Variants in CAMK1D observed in about 807,000 individuals in gnomAD.
The protein encoded by CAMK1D is calcium/calmodulin dependent protein kinase ID, also known as calcium/calmodulin-dependent protein kinase type 1D.
CAMK1D carries 9 observed loss-of-function variants against 47.7 expected under a neutral mutation model. The ratio of observed to expected loss-of-function variants is 0.19; its 90% confidence interval spans 0.11 to 0.33. CAMK1D has a LOEUF of 0.33. Ranked by LOEUF, CAMK1D falls within the 10% of genes least tolerant of loss-of-function variation. The probability of loss-of-function intolerance (pLI) is 1.00; values close to 1 mark genes in which losing one functional copy is unlikely to be tolerated. For synonymous variants in CAMK1D, 184 were observed against 184.9 expected (o/e 0.99, Z 0.04); for missense variants, 291 against 488.7 (o/e 0.60, Z 3.81).
chr10:12,772,183 AGTGT>A (rs1837072022), intron 5 of CAMK1D, among the ~76,000 whole-genome samples: 2 of 152,126 alleles, frequency 1.3e-5, no homozygotes, highest in African/African-American at 4.8e-5. Context: ...GGGAGGAAAG[AGTGT>A]GTGTGGTATA....
intron 3 of CAMK1D, among the ~76,000 whole-genome samples, chr10:12,742,471 C>T (rs537714116): frequency 1.1e-4 from 17 of 152,300 alleles, no homozygotes; most frequent in South Asian, 4.1e-4. Flanking sequence ...TCACTCATTT[C>T]GAATGTACAA....
chr10:12,744,186 T>G (rs1835559642), intron 3 of CAMK1D, among the ~76,000 whole-genome samples: 1 of 152,238 alleles, frequency 6.6e-6, no homozygotes, highest in Admixed American at 6.5e-5. Flanking sequence ...GGCTAAAATA[T>G]TCCGTATATG....
chr10:12,407,717 C>T (rs935267414), intron 1 of CAMK1D, among the ~76,000 whole-genome samples: 1 of 152,168 alleles, frequency 6.6e-6, no homozygotes, highest in African/African-American at 2.4e-5. Context: ...CCAAGTTGAC[C>T]AGCATCATCC....
chr10:12,530,636 C>T (rs1835774248), intron 1 of CAMK1D, among the ~76,000 whole-genome samples: 1 of 152,154 alleles, frequency 6.6e-6, no homozygotes, highest in African/African-American at 2.4e-5. Context: ...GAAGGTCTTC[C>T]CGTGGCCTCG....
intron 3 of CAMK1D, among the ~76,000 whole-genome samples, chr10:12,682,833 T>TGTTGTGTTGA (rs374542135): frequency 0.3 from 45,223 of 152,040 alleles, 7,411 homozygotes; most frequent in South Asian, 0.51. Flanking sequence ...ATTTACTTAG[T>TGTTGTGTTGA]CAACACAAAG....
chr10:12,788,210 G>C (rs1474012518), intron 5 of CAMK1D, among the ~76,000 whole-genome samples: 3 of 47,748 alleles, frequency 6.3e-5, no homozygotes, highest in Non-Finnish European at 1.9e-4. Flanking sequence ...TTATTTTAGA[G>C]ATGGGGCCTC....
chr10:12,442,585 A>G (rs1296634137), intron 1 of CAMK1D, among the ~76,000 whole-genome samples: 1 of 152,240 alleles, frequency 6.6e-6, no homozygotes, highest in Non-Finnish European at 1.5e-5. Context: ...AAGCCCTTCT[A>G]TACATAGACA....
chr10:12,485,922 C>T (rs574042889), intron 1 of CAMK1D, among the ~76,000 whole-genome samples: 2 of 152,258 alleles, frequency 1.3e-5, no homozygotes, highest in African/African-American at 4.8e-5. Context: ...TGGTGTCCAT[C>T]CCAGGCTCTG....
At chr10:12,637,399 G>C (rs1296754594) in intron 2 of CAMK1D, among the ~76,000 whole-genome samples, 1 of 152,198 alleles carries the variant, frequency 6.6e-6, no homozygotes, top group South Asian at 2.1e-4. Context: ...GAAGGAAGTA[G>C]GTCCCTTCAG....
intron 5 of CAMK1D, among the ~76,000 whole-genome samples, chr10:12,790,603 ACACACACACGCACACACACACTCACC>A (rs1837937713): frequency 8.1e-6 from 1 of 124,222 alleles, no homozygotes; most frequent in Non-Finnish European, 1.7e-5. Context: ...CACATCTCAC[ACACACACACGCACACACACACTCACC>A]CACACACCCC....
At position 12,470,518 on chromosome 10, in the gene CAMK1D, T is replaced by TAA. The variant is rs1833713177; in HGVS notation, c.93-82707_93-82706insAA. On this transcript the variant is annotated intron_variant, in intron 1 of 10. Transcript: ENST00000619168. Reference sequence around the variant, plus strand: ...ATGCTTCTTCTTCTTCTTTTTCTTCTTCTTTTTTTTTTCTTCCAACATGGA... The same window carrying TAA: ...ATGCTTCTTCTTCTTCTTTTTCTTCTAATCTTTTTTTTTTCTTCCAACATGGA... Among the ~76,000 whole-genome samples the TAA allele has an allele frequency of 5.0e-5, 6 of 118,894 alleles. No individual in the cohort carries two copies. The South Asian group carries it at 1.6e-3, about 31-fold the overall frequency. 78.0% of individuals were successfully genotyped at this position (118,894 alleles called of 152,430 possible). A position where few individuals can be genotyped will look rare whatever the true frequency, so the allele number is the denominator to read the frequency against.
At chr10:12,801,777 A>G (rs563043377) in intron 6 of CAMK1D, among the ~76,000 whole-genome samples, 1 of 152,322 alleles carries the variant, frequency 6.6e-6, no homozygotes, top group African/African-American at 2.4e-5. Context: ...TATGTGTCAT[A>G]CATATTAGGA....
chr10:12,528,214 G>A (rs546590720), intron 1 of CAMK1D, among the ~76,000 whole-genome samples: 12 of 152,326 alleles, frequency 7.9e-5, no homozygotes, highest in African/African-American at 2.6e-4. Flanking sequence ...TGGCTCAAAA[G>A]TCCACAGACA....
intron 3 of CAMK1D, among the ~76,000 whole-genome samples, chr10:12,694,106 A>AATATG (rs1316858592): frequency 1.7e-5 from 1 of 57,476 alleles, no homozygotes; most frequent in African/African-American, 6.8e-5. Flanking sequence ...TATATAATAT[A>AATATG]TAATATATAT....
intron 3 of CAMK1D, among the ~76,000 whole-genome samples, chr10:12,746,094 C>T (rs573012377): frequency 2.0e-5 from 3 of 152,078 alleles, no homozygotes; most frequent in Non-Finnish European, 2.9e-5. Context: ...GTCCCGATGC[C>T]GGTGATGCCT....
chr10:12,771,437 T>C (rs1837033822), intron 5 of CAMK1D, among the ~76,000 whole-genome samples: 1 of 152,256 alleles, frequency 6.6e-6, no homozygotes, highest in African/African-American at 2.4e-5. Flanking sequence ...CCAGATGACC[T>C]TGGGGCCACT....
At chr10:12,391,943 C>T (rs7073375) in intron 1 of CAMK1D, among the ~76,000 whole-genome samples, 17,076 of 151,626 alleles carry the variant, frequency 0.11, 1,211 homozygotes, top group Non-Finnish European at 0.15. Context: ...CCACTGCACT[C>T]CAGCCTGGAT....
chr10:12,510,187 G>A (rs1222859266), intron 1 of CAMK1D, among the ~76,000 whole-genome samples: 1 of 152,198 alleles, frequency 6.6e-6, no homozygotes, highest in Non-Finnish European at 1.5e-5. Context: ...GGCTAAGGCA[G>A]GCGGATCATT....
At chr10:12,778,410 C>T (rs1162110685) in intron 5 of CAMK1D, among the ~76,000 whole-genome samples, 7 of 152,184 alleles carry the variant, frequency 4.6e-5, no homozygotes, top group South Asian at 2.1e-4. Context: ...CCTGTGGAGG[C>T]GGCACATCAC....
Sources: gnomAD v4.1 joint callset for allele counts (sites outside exome capture counted in the v4.1 genomes callset) on GRCh38, gnomAD v4.1.1 for gene constraint, MANE v1.5 for transcripts, NCBI Gene and HGNC (gene_info 2026-07-23, HGNC 2026-07-21) for gene names.